TTC1: variants seen among roughly 807,000 people sequenced by gnomAD.
The protein encoded by TTC1 is tetratricopeptide repeat domain 1.
TTC1 carries 31 observed loss-of-function variants against 37.6 expected under a neutral mutation model. That is an observed-to-expected ratio of 0.82 (90% CI 0.62 to 1.11). The LOEUF (loss-of-function observed/expected upper bound fraction) is 1.11, where lower values mean the gene tolerates loss of function less well. Ranked by LOEUF, TTC1 falls within the 50% of genes most tolerant of loss-of-function variation. The probability of loss-of-function intolerance (pLI) is 0.00; values close to 1 mark genes in which losing one functional copy is unlikely to be tolerated. For missense variants in TTC1, 351 were observed against 339.0 expected (o/e 1.04, Z -0.28); for synonymous variants, 127 against 122.4 (o/e 1.04, Z -0.25).
At chr5:160,051,843 G>A (rs1033072721) in intron 7 of TTC1, among the ~76,000 whole-genome samples, 28 of 152,292 alleles carry the variant, frequency 1.8e-4, no homozygotes, top group African/African-American at 6.7e-4. Flanking sequence ...CTGATATTTC[G>A]CTGGTGAAGA....
intron 2 of TTC1, among the ~76,000 whole-genome samples, chr5:160,030,824 G>A (rs1756896391): frequency 6.6e-6 from 1 of 152,192 alleles, no homozygotes; most frequent in Non-Finnish European, 1.5e-5. Context: ...TCTCTGGAAT[G>A]TGTTAAAAGG....
At chr5:160,045,733 T>C (rs922335402) in intron 5 of TTC1, among the ~76,000 whole-genome samples, 5 of 151,934 alleles carry the variant, frequency 3.3e-5, no homozygotes, top group African/African-American at 1.2e-4. Flanking sequence ...CTAACTTTTT[T>C]TATTTTTTAT....
intron 5 of TTC1, among the ~76,000 whole-genome samples, chr5:160,045,454 CCACACACACACA>C (rs57919333): frequency 0.029 from 1,122 of 38,814 alleles, 27 homozygotes; most frequent in Non-Finnish European, 0.033. Context: ...CCCCCACCCT[CCACACACACACA>C]CACACACACA....
At chr5:160,028,818 T>A (rs1480447139) in intron 2 of TTC1, among the ~76,000 whole-genome samples, 1 of 152,138 alleles carries the variant, frequency 6.6e-6, no homozygotes, top group Non-Finnish European at 1.5e-5. Context: ...TTTGACAACC[T>A]CCTTACTTCA....
At chr5:160,036,278 T>G (rs975475625) in intron 3 of TTC1, among the ~76,000 whole-genome samples, 1 of 152,192 alleles carries the variant, frequency 6.6e-6, no homozygotes, top group Admixed American at 6.5e-5. Flanking sequence ...AAAACAAATA[T>G]GTATAATTTT....
At position 160,036,717 on chromosome 5, in the gene TTC1, A is replaced by G; in HGVS notation, c.418A>G (p.Ser140Gly). The change falls in exon 4 of 8, where the codon AGT (serine) becomes GGT (glycine). Residue 140 changes from serine (S) to glycine (G), a missense_variant. Transcript: ENST00000231238. ...GDYIEAESSY[S>G]RALEMCPSCF... ...TTATATAGAAGCTGAAAGTTCTTATAGTCGAGCCCTCGAAATGTGCCCATC... is the reference window on the plus strand; with the variant it reads ...TTATATAGAAGCTGAAAGTTCTTATGGTCGAGCCCTCGAAATGTGCCCATC... 3 of 1,613,812 alleles carry G rather than the reference A, an allele frequency of 1.9e-6. No homozygotes were observed. The highest frequency in any genetic ancestry group is 2.5e-6 in the Non-Finnish European group (3 of 1,179,762).
intron 1 of TTC1, among the ~76,000 whole-genome samples, chr5:160,010,257 CAAA>C (rs397882520): frequency 6.0e-5 from 3 of 50,316 alleles, no homozygotes; most frequent in African/African-American, 7.9e-5. Flanking sequence ...GATTAAGTCT[CAAA>C]AAAAAAAAAA....
intron 2 of TTC1, among the ~76,000 whole-genome samples, chr5:160,029,671 C>T (rs146614808): frequency 1.4e-4 from 22 of 152,060 alleles, no homozygotes; most frequent in African/African-American, 5.1e-4. Context: ...TGATCTAGGA[C>T]TCCTTGGAGA....
intron 2 of TTC1, among the ~76,000 whole-genome samples, chr5:160,018,927 C>T (rs930909790): frequency 6.6e-6 from 1 of 152,134 alleles, no homozygotes; most frequent in African/African-American, 2.4e-5. Flanking sequence ...ATTCGATTGG[C>T]GGGATGGAGT....
At chr5:160,037,694 T>G (rs1247810990) in intron 4 of TTC1, among the ~76,000 whole-genome samples, 1 of 151,696 alleles carries the variant, frequency 6.6e-6, no homozygotes, top group South Asian at 2.1e-4. Context: ...AGAGCAAAAC[T>G]CTGTCTCAAA....
At chr5:160,036,483 T>G in intron 3 of TTC1, 1 of 446,122 alleles carries the variant, frequency 2.2e-6, no homozygotes, top group Non-Finnish European at 4.1e-6. Flanking sequence ...GCACAGCCTG[T>G]GAGATTGGCA....
At chr5:160,041,091 GACACAT>G (rs1561632702) in intron 4 of TTC1, among the ~76,000 whole-genome samples, 1 of 151,800 alleles carries the variant, frequency 6.6e-6, no homozygotes, top group East Asian at 1.9e-4. Flanking sequence ...CCTCAAGAGC[GACACAT>G]ACATGAAACT....
chr5:160,055,296 T>C (rs560028166), intron 7 of TTC1, among the ~76,000 whole-genome samples: 6 of 152,340 alleles, frequency 3.9e-5, no homozygotes, highest in African/African-American at 1.4e-4. Flanking sequence ...TCTCAGCTTA[T>C]TGAACTATAA....
At chr5:160,032,621 G>T (rs1756929917) in intron 2 of TTC1, among the ~76,000 whole-genome samples, 1 of 150,406 alleles carries the variant, frequency 6.6e-6, no homozygotes, top group Non-Finnish European at 1.5e-5. Context: ...TGCTGTCATT[G>T]CAGCCCTGTC....
At chr5:160,040,772 TA>T (rs1378486886) in intron 4 of TTC1, among the ~76,000 whole-genome samples, 3 of 151,886 alleles carry the variant, frequency 2.0e-5, no homozygotes, top group Admixed American at 1.3e-4. Context: ...GGTTTTCTTT[TA>T]ATTTTTTTTT....
chr5:160,009,205 C>T lies in TTC1; in HGVS notation c.-30+12C>T, dbSNP rs1372481844. ...GAAGCTGTGAGGTTGTGAGTAACCC[C>T]GTGGGTCTAAGCGTGTTGGCTGTGA... On this transcript the variant is annotated intron_variant, in intron 1 of 7. Coordinates refer to ENST00000231238, the MANE Select transcript of TTC1 (RefSeq NM_003314.3). 1.3e-5 allele frequency: 2 copies of T among 152,186 alleles called. No homozygotes were observed. Among genetic ancestry groups the T allele is most frequent in the Non-Finnish European group, 2.9e-5 (2 of 68,062 alleles). The allele number at this position is 152,186 out of a possible 1,614,324, so 9.4% of individuals were successfully genotyped here. A position where few individuals can be genotyped will look rare whatever the true frequency, so the allele number is the denominator to read the frequency against.
intron 1 of TTC1, 100 bp from the exon 2 acceptor site, chr5:160,010,400 G>A: frequency 1.6e-6 from 1 of 632,738 alleles, no homozygotes; most frequent in Non-Finnish European, 2.7e-6. Context: ...AAATTACGGT[G>A]TGTTTTTTGG....
At chr5:160,054,186 T>C (rs906427180) in intron 7 of TTC1, among the ~76,000 whole-genome samples, 4 of 152,164 alleles carry the variant, frequency 2.6e-5, no homozygotes, top group Non-Finnish European at 5.9e-5. Flanking sequence ...GTGTGGTTGA[T>C]AGTGTGATGA....
At chr5:160,029,202 T>G in intron 2 of TTC1, among the ~76,000 whole-genome samples, 1 of 152,186 alleles carries the variant, frequency 6.6e-6, no homozygotes, top group East Asian at 1.9e-4. Flanking sequence ...TTGTATGTGT[T>G]CTTTTGACTC....
Sources: gnomAD v4.1 joint callset for allele counts (sites outside exome capture counted in the v4.1 genomes callset) on GRCh38, gnomAD v4.1.1 for gene constraint, MANE v1.5 for transcripts, NCBI Gene and HGNC (gene_info 2026-07-23, HGNC 2026-07-21) for gene names.